The following ANKS1B variants were observed in gnomAD, a reference collection of about 807,000 sequenced individuals.
ANKS1B encodes the protein ankyrin repeat and sterile alpha motif domain containing 1B.
ANKS1B carries 36 observed loss-of-function variants against 148.3 expected under a neutral mutation model. The ratio of observed to expected loss-of-function variants is 0.24; its 90% CI spans 0.19 to 0.32. ANKS1B has a LOEUF of 0.32. Ranked by LOEUF, ANKS1B falls within the 10% of genes least tolerant of loss-of-function variation. ANKS1B has a pLI of 1.00. For synonymous variants in ANKS1B, 542 were observed against 560.8 expected (o/e 0.97, Z 0.47); for missense variants, 1,157 against 1,542.6 (o/e 0.75, Z 4.19).
chr12:99,177,697 C>T (rs1437927899), intron 14 of ANKS1B, among the ~76,000 whole-genome samples: 1 of 152,224 alleles, frequency 6.6e-6, no homozygotes, highest in Non-Finnish European at 1.5e-5. Context: ...TGGTTAGTGT[C>T]TTCCTGGGGC....
intron 9 of ANKS1B, among the ~76,000 whole-genome samples, chr12:99,602,433 A>G (rs1377175774): frequency 6.6e-6 from 1 of 152,144 alleles, no homozygotes; most frequent in African/African-American, 2.4e-5. Flanking sequence ...TAAAAACAAA[A>G]GAAAACAAAA....
At chr12:98,807,992 G>C in intron 19 of ANKS1B, 74 bp from the exon 20 acceptor site, 1 of 1,104,702 alleles carries the variant, frequency 9.1e-7, no homozygotes. Flanking sequence ...CATCCAGGAA[G>C]GAAAAGAGGA....
intron 14 of ANKS1B, among the ~76,000 whole-genome samples, chr12:99,180,967 G>A (rs1239225782): frequency 6.6e-6 from 1 of 152,040 alleles, no homozygotes; most frequent in Admixed American, 6.5e-5. Flanking sequence ...CCATATCTGG[G>A]GTGAATCTGA....
intron 1 of ANKS1B, among the ~76,000 whole-genome samples, chr12:99,900,231 T>C (rs190866517): frequency 1.4e-5 from 2 of 148,012 alleles, no homozygotes; most frequent in East Asian, 2.2e-4. Context: ...TATATGGCCA[T>C]GTGCTGTGGC....
chr12:99,098,968 G>A (rs1399825729), intron 15 of ANKS1B, among the ~76,000 whole-genome samples: 2 of 151,958 alleles, frequency 1.3e-5, no homozygotes, highest in Non-Finnish European at 2.9e-5. Flanking sequence ...GCATGCGCTG[G>A]GCTTGGCACC....
At chr12:99,835,242 T>A in intron 1 of ANKS1B, among the ~76,000 whole-genome samples, 1 of 109,198 alleles carries the variant, frequency 9.2e-6, no homozygotes, top group Non-Finnish European at 1.9e-5. Flanking sequence ...TGAAACCCCA[T>A]CTCTACAAAA....
In ANKS1B at chr12:99,655,167, T is replaced by A. The variant is rs1205419279; in HGVS notation, c.1172A>T (p.Glu391Val). The A allele has an allele frequency of 6.2e-7, 1 of 1,612,402 alleles. No homozygotes were observed. Among genetic ancestry groups the A allele is most frequent in the African/African-American group, 1.3e-5 (1 of 75,030 alleles). The change falls in exon 9 of 27, where the codon GAA becomes GTA. Residue 391 changes from glutamate to valine, a missense_variant. Coordinates refer to ENST00000683438, the MANE Select transcript of ANKS1B (RefSeq NM_001352186.2). The part of the protein sequence containing the change: ...TINLSPGEVE[E>V]EDDDENTCGP... ...ACACGTATTTTCATCATCATCCTCTTCTTCCACTTCTCCTGGTGACAAATT... is the reference window on the plus strand; with the variant it reads ...ACACGTATTTTCATCATCATCCTCTACTTCCACTTCTCCTGGTGACAAATT...
At chr12:99,773,971 C>T (rs1455770759) in intron 7 of ANKS1B, among the ~76,000 whole-genome samples, 7 of 152,064 alleles carry the variant, frequency 4.6e-5, no homozygotes, top group East Asian at 1.9e-4. Flanking sequence ...GAAATATGAC[C>T]CTTATCTCAT....
At chr12:99,784,832 A>G (rs566271238) in intron 4 of ANKS1B, among the ~76,000 whole-genome samples, 20 of 152,068 alleles carry the variant, frequency 1.3e-4, no homozygotes, top group Non-Finnish European at 2.9e-4. Context: ...GACATCCCTG[A>G]CCCCTGAAGT....
At chr12:98,985,286 A>C (rs1396875755) in intron 17 of ANKS1B, among the ~76,000 whole-genome samples, 2 of 151,990 alleles carry the variant, frequency 1.3e-5, no homozygotes, top group Non-Finnish European at 2.9e-5. Context: ...CTAATTAAAA[A>C]ATTTTTTTTT....
chr12:99,116,259 G>A (rs1223968193), intron 15 of ANKS1B, among the ~76,000 whole-genome samples: 1 of 152,170 alleles, frequency 6.6e-6, no homozygotes. Flanking sequence ...CCTCATTGGT[G>A]CTACCTTGTT....
chr12:99,655,045 C>T (rs2153445045), intron 9 of ANKS1B, 22 bp downstream of exon 9: 5 of 1,536,022 alleles, frequency 3.3e-6, no homozygotes, highest in Non-Finnish European at 4.4e-6. Flanking sequence ...TTTATTGTAC[C>T]TTAATAAAAG....
intron 9 of ANKS1B, among the ~76,000 whole-genome samples, chr12:99,624,521 T>C (rs948821121): frequency 6.6e-6 from 1 of 151,850 alleles, no homozygotes; most frequent in Non-Finnish European, 1.5e-5. Flanking sequence ...GACTAATATC[T>C]AGAATCTATA....
chr12:99,617,858 CACTT>C (rs991817945), intron 9 of ANKS1B, among the ~76,000 whole-genome samples: 8 of 151,770 alleles, frequency 5.3e-5, no homozygotes, highest in African/African-American at 1.9e-4. Flanking sequence ...CATAGATACA[CACTT>C]AATACAATCA....
chr12:99,620,376 C>A (rs892960754), intron 9 of ANKS1B, among the ~76,000 whole-genome samples: 1 of 152,072 alleles, frequency 6.6e-6, no homozygotes. Context: ...AGCAATGGTC[C>A]CTAGCCAAAA....
rs181671824 is a variant in ANKS1B at position 99,809,241 on chromosome 12, G to A, written c.373-2541C>T. On this transcript the variant is annotated intron_variant, in intron 3 of 26. Transcript: ENST00000683438. The stretch of plus-strand genomic sequence containing the variant: ...GATAATGGATGATAGAACAAAACTG[G>A]CTAACAAAAGCCATTTACCAAAAAC... Among the ~76,000 whole-genome samples, 503 of 152,092 alleles carry A rather than the reference G, an allele frequency of 3.3e-3. 5 individuals carry two copies. Among genetic ancestry groups the A allele is most frequent in the Non-Finnish European group, 1.6e-3 (112 of 67,940 alleles).
At chr12:99,126,306 A>T (rs986148686) in intron 15 of ANKS1B, among the ~76,000 whole-genome samples, 3 of 152,114 alleles carry the variant, frequency 2.0e-5, no homozygotes, top group Non-Finnish European at 2.9e-5. Context: ...CCACTATCAG[A>T]GGGATGAGAA....
chr12:99,139,947 AAC>A (rs2070015307), intron 15 of ANKS1B, among the ~76,000 whole-genome samples: 1 of 152,222 alleles, frequency 6.6e-6, no homozygotes, highest in Non-Finnish European at 1.5e-5. Context: ...GCAGATTTGA[AAC>A]ACATAGATTT....
intron 12 of ANKS1B, among the ~76,000 whole-genome samples, chr12:99,369,823 C>T (rs7487874): frequency 0.25 from 37,699 of 149,126 alleles, 5,114 homozygotes; most frequent in East Asian, 0.49. Flanking sequence ...GACGGACAGA[C>T]GGACGGATAG....
Sources: gnomAD v4.1 joint callset for allele counts (sites outside exome capture counted in the v4.1 genomes callset) on GRCh38, gnomAD v4.1.1 for gene constraint, MANE v1.5 for transcripts, NCBI Gene and HGNC (gene_info 2026-07-23, HGNC 2026-07-21) for gene names.